Variants in FBXO34 observed in about 807,000 individuals in gnomAD.
FBXO34 encodes F-box only protein 34.
A neutral mutation model predicts 24.5 loss-of-function variants in FBXO34; 12 were observed. The ratio of observed to expected loss-of-function variants is 0.49; its 90% CI spans 0.31 to 0.79. The LOEUF (loss-of-function observed/expected upper bound fraction) is 0.79. Ranked by LOEUF, FBXO34 falls within the 30% of genes least tolerant of loss-of-function variation. The pLI, the probability that FBXO34 is intolerant of heterozygous loss-of-function variation, is 0.04. For missense variants in FBXO34, 823 were observed against 857.7 expected (o/e 0.96, Z 0.51); for synonymous variants, 320 against 311.9 (o/e 1.03, Z -0.27).
chr14:55,377,116 G>A, the FBXO34 span, among the ~76,000 whole-genome samples: 1 of 152,202 alleles, frequency 6.6e-6, no homozygotes, highest in Admixed American at 6.5e-5. Context: ...GGAAGCCGAA[G>A]CGGGTGGATC....
chr14:55,356,896 A>G (rs989026418), downstream of FBXO34, among the ~76,000 whole-genome samples: 1 of 152,076 alleles, frequency 6.6e-6, no homozygotes, highest in Admixed American at 6.5e-5. Context: ...CTACAGCTGC[A>G]TGTCACTATG....
At chr14:55,313,429 A>C (rs1014037800) in intron 1 of FBXO34, among the ~76,000 whole-genome samples, 1 of 151,984 alleles carries the variant, frequency 6.6e-6, no homozygotes, top group African/African-American at 2.4e-5. Context: ...AATTGTTGCA[A>C]CCTTTGCCTG....
At chr14:55,427,832 TAC>T in the FBXO34 span, among the ~76,000 whole-genome samples, 28,878 of 144,712 alleles carry the variant, frequency 0.2, 4,507 homozygotes, top group African/African-American at 0.44. Context: ...TGCAGCTATA[TAC>T]ACACACACAC....
At chr14:55,275,813 G>C in intron 1 of FBXO34, among the ~76,000 whole-genome samples, 1 of 116,166 alleles carries the variant, frequency 8.6e-6, no homozygotes, top group East Asian at 2.5e-4. Context: ...GACAGAGCGA[G>C]ACTCTGTCTC....
At position 55,323,187 on chromosome 14, in the gene FBXO34, A is replaced by T. The variant is rs1386763159; in HGVS notation, c.-10-27194A>T. On this transcript the variant is annotated intron_variant, in intron 1 of 1. Coordinates refer to ENST00000313833, the MANE Select transcript of FBXO34 (RefSeq NM_017943.4). Reference sequence around the variant, plus strand: ...GCGACAGAGTGAGACTCTGTCTCAAAAAAAAAAAAAAAAAAAAAAAAAAAA... The same window carrying T: ...GCGACAGAGTGAGACTCTGTCTCAATAAAAAAAAAAAAAAAAAAAAAAAAA... Among the ~76,000 whole-genome samples the T allele has an allele frequency of 5.9e-4, 9 of 15,194 alleles. No homozygotes were observed. The African/African-American group carries it at 7.1e-3, about 12-fold the overall frequency. The allele number at this position is 15,194 out of a possible 152,430, so 10.0% of individuals were successfully genotyped here.
chr14:55,338,634 C>T (rs1008195546), intron 1 of FBXO34, among the ~76,000 whole-genome samples: 26 of 152,074 alleles, frequency 1.7e-4, no homozygotes, highest in Non-Finnish European at 2.6e-4. Flanking sequence ...ACAGGCCAGG[C>T]GTGGTGCCTC....
chr14:55,382,433 A>T, the FBXO34 span, among the ~76,000 whole-genome samples: 1 of 152,160 alleles, frequency 6.6e-6, no homozygotes, highest in Admixed American at 6.6e-5. Flanking sequence ...CTCCTGCCTC[A>T]GCCTCCTAAG....
downstream of FBXO34, chr14:55,368,819 T>C (rs1884744587): frequency 6.6e-6 from 1 of 152,208 alleles, no homozygotes; most frequent in African/African-American, 2.4e-5. Context: ...CCAGAAAATA[T>C]AAGTTCAATT....
At chr14:55,296,078 C>A (rs1882110823) in intron 1 of FBXO34, among the ~76,000 whole-genome samples, 1 of 152,086 alleles carries the variant, frequency 6.6e-6, no homozygotes, top group Admixed American at 6.6e-5. Context: ...CTTTTCATGC[C>A]TGTAGTTGAA....
At chr14:55,279,570 A>T (rs1368997490) in intron 1 of FBXO34, among the ~76,000 whole-genome samples, 1 of 152,366 alleles carries the variant, frequency 6.6e-6, no homozygotes. Flanking sequence ...AATTCTATAT[A>T]TAAACCCTTG....
At chr14:55,442,254 T>C in the FBXO34 span, among the ~76,000 whole-genome samples, 3 of 151,186 alleles carry the variant, frequency 2.0e-5, no homozygotes, top group Non-Finnish European at 4.4e-5. Context: ...CTGGGCATGG[T>C]AGTGTGCGCC....
intron 1 of FBXO34, among the ~76,000 whole-genome samples, chr14:55,281,948 G>T (rs1347209734): frequency 7.2e-6 from 1 of 138,222 alleles, no homozygotes; most frequent in African/African-American, 2.7e-5. Context: ...ACGTTTTTTT[G>T]AAATGAATTG....
At chr14:55,323,041 C>A (rs1304475252) in intron 1 of FBXO34, among the ~76,000 whole-genome samples, 7 of 106,462 alleles carry the variant, frequency 6.6e-5, no homozygotes, top group African/African-American at 2.0e-4. Flanking sequence ...AAAGCAAAAA[C>A]GGGCATGATG....
chr14:55,295,341 A>AT (rs1467456124), intron 1 of FBXO34, among the ~76,000 whole-genome samples: 2 of 144,894 alleles, frequency 1.4e-5, no homozygotes, highest in African/African-American at 2.6e-5. Flanking sequence ...TTTTATGTAT[A>AT]TTATCTATTC....
chr14:55,435,019 G>C, the FBXO34 span, among the ~76,000 whole-genome samples: 1 of 152,232 alleles, frequency 6.6e-6, no homozygotes, highest in South Asian at 2.1e-4. Flanking sequence ...ATTGAAAACA[G>C]GATGCCTGGC....
At chr14:55,418,655 G>A in the FBXO34 span, among the ~76,000 whole-genome samples, 1 of 152,118 alleles carries the variant, frequency 6.6e-6, no homozygotes, top group Non-Finnish European at 1.5e-5. Flanking sequence ...CACAGATGTT[G>A]AGCTGATTAA....
chr14:55,370,857 T>A (rs1178050822), downstream of FBXO34, among the ~76,000 whole-genome samples: 1 of 152,022 alleles, frequency 6.6e-6, no homozygotes, highest in Non-Finnish European at 1.5e-5. Context: ...GCCAGGCTGG[T>A]CTTGAACTCC....
At chr14:55,354,766 C>T (rs1426249013), downstream of FBXO34, among the ~76,000 whole-genome samples, 1 of 152,208 alleles carries the variant, frequency 6.6e-6, no homozygotes. Flanking sequence ...GCAAGTGTAG[C>T]TTTCCTCTTA....
In FBXO34 at chr14:55,330,111, G is replaced by A. The variant is rs575658213; in HGVS notation, c.-10-20270G>A. Among the ~76,000 whole-genome samples the A allele has an allele frequency of 3.9e-5, 6 of 152,250 alleles. No homozygotes were observed. In the South Asian group the frequency reaches 1.2e-3, roughly 32 times the overall value. The stretch of plus-strand genomic sequence containing the variant: ...CACTTTTCTCTTCCATCCAAATTTA[G>A]TTTTAGTTTTGTAAACTTGGGAAAT... On this transcript the variant is annotated intron_variant, in intron 1 of 1. Coordinates refer to ENST00000313833, the MANE Select transcript of FBXO34 (RefSeq NM_017943.4).
Sources: gnomAD v4.1 joint callset for allele counts (sites outside exome capture counted in the v4.1 genomes callset) on GRCh38, gnomAD v4.1.1 for gene constraint, MANE v1.5 for transcripts, NCBI Gene and HGNC (gene_info 2026-07-23, HGNC 2026-07-21) for gene names.